GBE1: variants seen among roughly 807,000 people sequenced by gnomAD.
GBE1 encodes the protein 1,4-alpha-glucan-branching enzyme.
A neutral mutation model predicts 88.8 loss-of-function variants in GBE1; 70 were observed. That is an observed-to-expected ratio of 0.79 (90% CI 0.65 to 0.96). The LOEUF is 0.96. GBE1 is among the 40% of genes least tolerant of loss of function. The pLI, the probability that GBE1 is intolerant of heterozygous loss-of-function variation, is 0.00. For missense variants in GBE1, 872 were observed against 871.0 expected, an observed-to-expected ratio of 1.00 and a Z score of -0.01; for synonymous variants, 284 against 300.1, an observed-to-expected ratio of 0.95 and a Z score of 0.56.
chr3:81,619,542 A>G (rs911985761), intron 7 of GBE1, among the ~76,000 whole-genome samples: 1 of 152,152 alleles, frequency 6.6e-6, no homozygotes, highest in African/African-American at 2.4e-5. Context: ...TATTGATTCC[A>G]TTAATCAAGA....
intron 7 of GBE1, among the ~76,000 whole-genome samples, chr3:81,597,449 T>C (rs1703971969): frequency 6.9e-6 from 1 of 144,732 alleles, no homozygotes; most frequent in South Asian, 2.1e-4. Context: ...CTCAAAAATA[T>C]ATATATATCT....
chr3:81,604,234 C>T (rs867417269), intron 7 of GBE1, among the ~76,000 whole-genome samples: 22 of 149,892 alleles, frequency 1.5e-4, no homozygotes, highest in Middle Eastern at 7.0e-3. Context: ...TAATAATGTA[C>T]ATAGAAAGCT....
intron 12 of GBE1, among the ~76,000 whole-genome samples, chr3:81,556,914 T>C (rs1181734968): frequency 1.3e-5 from 2 of 151,930 alleles, no homozygotes; most frequent in Non-Finnish European, 2.9e-5. Context: ...TCACTTACAA[T>C]GTGTAACCTC....
intron 1 of GBE1, among the ~76,000 whole-genome samples, chr3:81,718,379 G>C (rs1705972152): frequency 6.6e-6 from 1 of 152,192 alleles, no homozygotes; most frequent in African/African-American, 2.4e-5. Context: ...GTATCTTATG[G>C]AGTACTTACT....
At position 81,490,317 on chromosome 3, in the gene GBE1, T is replaced by A; in HGVS notation, c.*90A>T. On this transcript the variant is annotated 3_prime_UTR_variant, in exon 16 of 16. Transcript: ENST00000429644. The stretch of plus-strand genomic sequence containing the variant: ...ATGGCTTGGCTAGACAACTGTATTC[T>A]GAAAAGCATACATGTTATAAGCTGT... 9.0e-7 allele frequency: 1 copy of A among 1,108,700 alleles called. No homozygotes were observed. The highest frequency in any genetic ancestry group is 1.4e-6 in the Non-Finnish European group (1 of 726,860). 68.7% of individuals were successfully genotyped at this position (1,108,700 alleles called of 1,614,324 possible).
At chr3:81,547,662 T>TCTCTCTCTCTCC (rs1703225593) in intron 12 of GBE1, among the ~76,000 whole-genome samples, 1 of 140,450 alleles carries the variant, frequency 7.1e-6, no homozygotes, top group African/African-American at 2.6e-5. Flanking sequence ...TCTCTCTCTC[T>TCTCTCTCTCTCC]CTCTCTTTCT....
rs1413025980 is a variant in GBE1 at position 81,761,387 on chromosome 3, T to G, written c.131A>C (p.Asp44Ala). 1.2e-6 allele frequency: 2 copies of G among 1,608,820 alleles called. No homozygotes were observed. The highest frequency in any genetic ancestry group is 1.1e-5 in the South Asian group (1 of 91,020). The change falls in exon 1 of 16, where the codon GAC (aspartate) becomes GCC (alanine). Residue 44 changes from aspartate to alanine, a missense_variant. Coordinates refer to ENST00000429644, the MANE Select transcript of GBE1 (RefSeq NM_000158.4). Reference sequence around the variant, plus strand: ...ATTCCGGCGGTACCTGCGCTGGAAGTCCACGGCGTAGGGCTTCAAGTACGG... The same window carrying G: ...ATTCCGGCGGTACCTGCGCTGGAAGGCCACGGCGTAGGGCTTCAAGTACGG... ...IDPYLKPYAV[D>A]FQRRYKQFSQ...
chr3:81,716,672 TAAAG>T (rs1157594393), intron 1 of GBE1, among the ~76,000 whole-genome samples: 2 of 152,288 alleles, frequency 1.3e-5, no homozygotes, highest in South Asian at 2.1e-4. Context: ...TGACACAACT[TAAAG>T]AACCTACTAT....
At chr3:81,590,642 C>T (rs1703864683) in intron 9 of GBE1, among the ~76,000 whole-genome samples, 1 of 151,974 alleles carries the variant, frequency 6.6e-6, no homozygotes, top group African/African-American at 2.4e-5. Context: ...GAGAAGCTTG[C>T]AGGCAGCAAT....
intron 14 of GBE1, among the ~76,000 whole-genome samples, chr3:81,520,343 TTACTA>T (rs1470270105): frequency 6.6e-6 from 1 of 151,586 alleles, no homozygotes; most frequent in African/African-American, 2.4e-5. Context: ...TTTTTCATTA[TTACTA>T]TACTATATTA....
intron 2 of GBE1, among the ~76,000 whole-genome samples, chr3:81,702,102 A>AGAGAGTGTGT (rs1468506890): frequency 3.5e-5 from 4 of 115,472 alleles, no homozygotes; most frequent in Non-Finnish European, 7.8e-5. Context: ...AGAGAGAGAG[A>AGAGAGTGTGT]GTGTGTGTGT....
intron 7 of GBE1, among the ~76,000 whole-genome samples, chr3:81,632,766 T>C (rs1704533267): frequency 6.6e-6 from 1 of 152,166 alleles, no homozygotes; most frequent in South Asian, 2.1e-4. Context: ...ATTTTGAACA[T>C]GACTTGAAGT....
At chr3:81,541,563 T>C (rs1384487379) in intron 12 of GBE1, among the ~76,000 whole-genome samples, 3 of 151,404 alleles carry the variant, frequency 2.0e-5, no homozygotes, top group Admixed American at 1.3e-4. Context: ...TGAGCCCTCA[T>C]GAACAGGATT....
At chr3:81,732,998 GGGTCCCCACC>G (rs1225124166) in intron 1 of GBE1, among the ~76,000 whole-genome samples, 10 of 152,104 alleles carry the variant, frequency 6.6e-5, no homozygotes, top group African/African-American at 2.4e-4. Flanking sequence ...TCTAGGCCAG[GGGTCCCCACC>G]GGTCCATGGC....
At chr3:81,651,687 T>C (rs1048120318) in intron 3 of GBE1, among the ~76,000 whole-genome samples, 11 of 152,194 alleles carry the variant, frequency 7.2e-5, no homozygotes, top group African/African-American at 2.4e-4. Flanking sequence ...CAAAATACTA[T>C]AAACCAGTTT....
intron 2 of GBE1, among the ~76,000 whole-genome samples, chr3:81,681,827 A>C (rs1705349079): frequency 6.6e-6 from 1 of 152,192 alleles, no homozygotes; most frequent in South Asian, 2.1e-4. Flanking sequence ...AAAATGACTC[A>C]TGTCAGAACT....
intron 3 of GBE1, among the ~76,000 whole-genome samples, chr3:81,652,305 C>T (rs906175984): frequency 6.6e-6 from 1 of 152,186 alleles, no homozygotes; most frequent in Non-Finnish European, 1.5e-5. Context: ...GTTCTCTGTT[C>T]TAGGAGTCCT....
intron 2 of GBE1, among the ~76,000 whole-genome samples, chr3:81,671,416 C>CT (rs1279449078): frequency 3.9e-5 from 6 of 152,028 alleles, no homozygotes; most frequent in African/African-American, 1.4e-4. Flanking sequence ...AAAGAAATGC[C>CT]TTAAGCAAGA....
chr3:81,729,806 T>C (rs1706161483), intron 1 of GBE1, among the ~76,000 whole-genome samples: 3 of 152,082 alleles, frequency 2.0e-5, no homozygotes, highest in Admixed American at 6.6e-5. Context: ...TTCATGGTCT[T>C]TCCCTCACCA....
Sources: allele counts gnomAD v4.1 joint callset (sites outside exome capture counted in the v4.1 genomes callset), GRCh38; gene constraint gnomAD v4.1.1; transcripts MANE v1.5; gene names NCBI Gene and HGNC (gene_info 2026-07-23, HGNC 2026-07-21).